Variants in CNTNAP2 observed in about 807,000 individuals in gnomAD.
CNTNAP2 encodes contactin associated protein 2.
Under a neutral mutation model 155.2 loss-of-function variants are expected in CNTNAP2, and 98 were observed. The ratio of observed to expected loss-of-function variants is 0.63; its 90% CI spans 0.54 to 0.75. CNTNAP2 has a LOEUF of 0.75. Ranked by LOEUF, CNTNAP2 falls within the 30% of genes least tolerant of loss-of-function variation. The probability of loss-of-function intolerance (pLI) is 0.00; values close to 1 mark genes in which losing one functional copy is unlikely to be tolerated. For synonymous variants in CNTNAP2, 651 were observed against 631.2 expected (o/e 1.03, Z -0.47); for missense variants, 1,727 against 1,688.1 (o/e 1.02, Z -0.40).
At chr7:147,156,364 T>C (rs1801926753) in intron 8 of CNTNAP2, among the ~76,000 whole-genome samples, 1 of 152,194 alleles carries the variant, frequency 6.6e-6, no homozygotes. Flanking sequence ...GGAAATGTAC[T>C]GAATAAACAC....
chr7:148,315,776 T>A (rs1192575371), intron 21 of CNTNAP2, among the ~76,000 whole-genome samples: 1 of 152,220 alleles, frequency 6.6e-6, no homozygotes, highest in Admixed American at 6.5e-5. Context: ...AAATTTTGGT[T>A]TTCATAAATG....
intron 20 of CNTNAP2, among the ~76,000 whole-genome samples, chr7:148,257,921 AAACACAC>A: frequency 1.7e-5 from 1 of 57,996 alleles, no homozygotes. Context: ...TCCACACCTT[AAACACAC>A]ACACACACAC....
intron 3 of CNTNAP2, among the ~76,000 whole-genome samples, chr7:146,984,800 G>T (rs1278884522): frequency 6.6e-6 from 1 of 152,128 alleles, no homozygotes; most frequent in African/African-American, 2.4e-5. Flanking sequence ...GTCCCTGTTT[G>T]CTGGCAGTGG....
intron 8 of CNTNAP2, among the ~76,000 whole-genome samples, chr7:147,155,613 A>G (rs1422877377): frequency 2.6e-5 from 4 of 152,170 alleles, no homozygotes; most frequent in Admixed American, 2.0e-4. Context: ...GCCATTGGTA[A>G]AGAATATTCA....
intron 1 of CNTNAP2, among the ~76,000 whole-genome samples, chr7:146,626,817 C>CTTTATGTGTTCTTTATGTGTA: frequency 6.6e-6 from 1 of 152,048 alleles, no homozygotes; most frequent in African/African-American, 2.4e-5. Context: ...TTTATGTGTA[C>CTTTATGTGTTCTTTATGTGTA]TTCACCCCAT....
chr7:146,929,484 G>A lies in CNTNAP2; in HGVS notation c.402+89580G>A, dbSNP rs112002463. ...CAAAAGTAGATAAAACCACAAAGAT[G>A]GGGAAAAAACAGAGCAGAAAAACTG... On this transcript the variant is annotated intron_variant, in intron 3 of 23. Coordinates refer to ENST00000361727, the MANE Select transcript of CNTNAP2 (RefSeq NM_014141.6). 4.1e-3 allele frequency among the ~76,000 whole-genome samples: 617 copies of A among 152,218 alleles called. 7 individuals carry two copies. Among genetic ancestry groups the A allele is most frequent in the African/African-American group, 0.013 (558 of 41,546 alleles).
chr7:147,143,425 T>G (rs1266521671), intron 8 of CNTNAP2, among the ~76,000 whole-genome samples: 1 of 152,222 alleles, frequency 6.6e-6, no homozygotes, highest in Non-Finnish European at 1.5e-5. Context: ...TTTATTATAT[T>G]GTTAAGATAT....
At chr7:146,948,238 A>G (rs1797231720) in intron 3 of CNTNAP2, among the ~76,000 whole-genome samples, 1 of 151,842 alleles carries the variant, frequency 6.6e-6, no homozygotes, top group Non-Finnish European at 1.5e-5. Context: ...ATTGCATGTG[A>G]TATTTTCTCC....
chr7:147,046,383 CACTTG>C (rs556394490), intron 4 of CNTNAP2, among the ~76,000 whole-genome samples: 15 of 152,296 alleles, frequency 9.8e-5, no homozygotes, highest in African/African-American at 3.4e-4. Context: ...CATTATTTTA[CACTTG>C]ACTTCTTTAG....
chr7:147,256,398 T>C (rs555476721), intron 8 of CNTNAP2, among the ~76,000 whole-genome samples: 1 of 152,300 alleles, frequency 6.6e-6, no homozygotes, highest in East Asian at 1.9e-4. Flanking sequence ...ACATTTAACA[T>C]TACAGCTTTC....
chr7:147,145,600 T>C (rs1344225375), intron 8 of CNTNAP2, among the ~76,000 whole-genome samples: 1 of 152,074 alleles, frequency 6.6e-6, no homozygotes, highest in Non-Finnish European at 1.5e-5. Flanking sequence ...TTTTCTCCCA[T>C]ACTGAATAAC....
chr7:148,162,103 A>G (rs1805557569), intron 17 of CNTNAP2, among the ~76,000 whole-genome samples: 2 of 152,152 alleles, frequency 1.3e-5, no homozygotes, highest in South Asian at 2.1e-4. Flanking sequence ...CTCCGGATTT[A>G]AAAAAAGACT....
intron 3 of CNTNAP2, among the ~76,000 whole-genome samples, chr7:146,842,233 A>G (rs963567767): frequency 1.3e-5 from 2 of 152,036 alleles, no homozygotes; most frequent in African/African-American, 4.8e-5. Context: ...AGTCGGGGAG[A>G]CAAGGATGTC....
intron 1 of CNTNAP2, among the ~76,000 whole-genome samples, chr7:146,566,866 G>A (rs1798365436): frequency 6.6e-6 from 1 of 151,986 alleles, no homozygotes; most frequent in Non-Finnish European, 1.5e-5. Context: ...TTGGACTTTT[G>A]TGTTGGAGAT....
chr7:147,718,321 G>GT (rs1418183684), intron 13 of CNTNAP2, among the ~76,000 whole-genome samples: 1 of 152,070 alleles, frequency 6.6e-6, no homozygotes, highest in Non-Finnish European at 1.5e-5. Context: ...GGCAATTAAT[G>GT]TAACTGTAGC....
intron 13 of CNTNAP2, among the ~76,000 whole-genome samples, chr7:147,689,165 T>G (rs2116989342): frequency 6.6e-6 from 1 of 151,990 alleles, no homozygotes; most frequent in African/African-American, 2.4e-5. Context: ...TTTTTTTTTT[T>G]TTGAGACAGC....
At chr7:146,458,445 G>T (rs1796588755) in intron 1 of CNTNAP2, among the ~76,000 whole-genome samples, 1 of 152,078 alleles carries the variant, frequency 6.6e-6, no homozygotes, top group African/African-American at 2.4e-5. Flanking sequence ...CAAAATCAAA[G>T]ATTCAGTCAC....
At chr7:146,615,417 A>G (rs2129154940) in intron 1 of CNTNAP2, among the ~76,000 whole-genome samples, 1 of 152,332 alleles carries the variant, frequency 6.6e-6, no homozygotes, top group East Asian at 1.9e-4. Context: ...CAGAAGGGCC[A>G]AGACATTTCT....
intron 17 of CNTNAP2, among the ~76,000 whole-genome samples, chr7:148,169,805 CA>C (rs1805742850): frequency 6.6e-6 from 1 of 152,064 alleles, no homozygotes. Flanking sequence ...ACTAAAAATA[CA>C]AAAATTAGCT....
Sources: allele counts gnomAD v4.1 joint callset (sites outside exome capture counted in the v4.1 genomes callset), GRCh38; gene constraint gnomAD v4.1.1; transcripts MANE v1.5; gene names NCBI Gene and HGNC (gene_info 2026-07-23, HGNC 2026-07-21).